CPN1: variants seen among roughly 807,000 people sequenced by gnomAD.
CPN1 encodes the protein carboxypeptidase N subunit 1.
Under a neutral mutation model 46.4 loss-of-function variants are expected in CPN1, and 37 were observed. The ratio of observed to expected loss-of-function variants is 0.80; its 90% CI spans 0.61 to 1.05. The LOEUF (loss-of-function observed/expected upper bound fraction) is 1.05, where lower values mean the gene tolerates loss of function less well. CPN1 is among the 50% of genes least tolerant of loss of function. The pLI, the probability that CPN1 is intolerant of heterozygous loss-of-function variation, is 0.00. For synonymous variants in CPN1, 224 were observed against 235.4 expected, an observed-to-expected ratio of 0.95 and a Z score of 0.44; for missense variants, 563 against 602.6, an observed-to-expected ratio of 0.93 and a Z score of 0.69.
At chr10:100,046,643 C>T (rs1278098831) in intron 8 of CPN1, among the ~76,000 whole-genome samples, 5 of 151,906 alleles carry the variant, frequency 3.3e-5, no homozygotes, top group Non-Finnish European at 5.9e-5. Flanking sequence ...CGTGGTGGCA[C>T]ATGCCTGTAG....
At chr10:100,075,842 C>A in intron 2 of CPN1, 69 bp downstream of exon 2, 1 of 1,470,290 alleles carries the variant, frequency 6.8e-7, no homozygotes, top group Non-Finnish European at 9.5e-7. Flanking sequence ...GAGAGGGAAT[C>A]TTGTCCACTG....
Position 100,054,430 on chromosome 10 carries a change from T to G in CPN1, c.1028A>C (p.Lys343Thr), listed in dbSNP as rs527749314. The G allele has an allele frequency of 9.9e-6, 16 of 1,613,926 alleles. 1 individual carries two copies. The South Asian group carries it at 1.2e-4, about 12-fold the overall frequency. Residue 343 changes from lysine (K) to threonine (T), a missense_variant, in exon 7 of 9, where the codon AAG becomes ACG. Transcript: ENST00000370418. The stretch of plus-strand genomic sequence containing the variant: ...GTAATTCTCATCAAGCACCATTCCC[T>G]TGATGCCCTGGTGAACCTGCAGGAA... Reference protein sequence around the residue: ...QFLEQVHQGIKGMVLDENYNN... With the variant: ...QFLEQVHQGITGMVLDENYNN...
At chr10:100,055,067 G>A (rs1234083605) in intron 6 of CPN1, among the ~76,000 whole-genome samples, 4 of 151,454 alleles carry the variant, frequency 2.6e-5, no homozygotes, top group Admixed American at 2.0e-4. Context: ...GTGAAACCCC[G>A]TCTCTATTAA....
chr10:100,065,082 A>C, intron 4 of CPN1, 106 bp downstream of exon 4: 1 of 1,367,232 alleles, frequency 7.3e-7, no homozygotes, highest in Non-Finnish European at 1.0e-6. Context: ...GGTATTTTCA[A>C]TTATTTTCTG....
intron 1 of CPN1, among the ~76,000 whole-genome samples, chr10:100,081,186 C>G (rs1352700994): frequency 2.0e-5 from 3 of 152,038 alleles, no homozygotes; most frequent in Non-Finnish European, 4.4e-5. Context: ...GCAAACAGAA[C>G]CCAAAAAGGA....
intron 8 of CPN1, among the ~76,000 whole-genome samples, chr10:100,043,056 T>C (rs1410611421): frequency 7.0e-6 from 1 of 142,286 alleles, no homozygotes; most frequent in Non-Finnish European, 1.5e-5. Context: ...ATCTTGCCAC[T>C]GCACTCCAGC....
At position 100,049,147 on chromosome 10, in the gene CPN1, C is replaced by A. The variant is rs180989632; in HGVS notation, c.1112-271G>T. On this transcript the variant is annotated intron_variant, in intron 7 of 8. Coordinates refer to ENST00000370418, the MANE Select transcript of CPN1 (RefSeq NM_001308.3). ...CTAATTTTTGTATTTTTAGTAGAGA[C>A]GGGGTTTCATCATGTTGGCCAGGCT... Among the ~76,000 whole-genome samples, 281 of 151,786 alleles carry A rather than the reference C, an allele frequency of 1.9e-3. 1 individual carries two copies. The highest frequency in any genetic ancestry group is 3.4e-3 in the Middle Eastern group (1 of 292).
In CPN1 at chr10:100,076,847, C is replaced by T. The variant is rs144898164; in HGVS notation, c.224-740G>A. 2.6e-5 allele frequency among the ~76,000 whole-genome samples: 4 copies of T among 152,282 alleles called. 1 individual carries two copies. In the East Asian group the frequency reaches 7.7e-4, roughly 29 times the overall value. ...CTGAAGTACAGGAAAACTAAAATCACTCCTTCAAATCTAAGCAGGCCAAAT... is the reference window on the plus strand; with the variant it reads ...CTGAAGTACAGGAAAACTAAAATCATTCCTTCAAATCTAAGCAGGCCAAAT... On this transcript the variant is annotated intron_variant, in intron 1 of 8. Transcript: ENST00000370418.
chr10:100,048,267 AG>A (rs1026120977), intron 8 of CPN1, among the ~76,000 whole-genome samples: 8 of 152,350 alleles, frequency 5.3e-5, no homozygotes, highest in African/African-American at 1.4e-4. Context: ...TAGACAGAAG[AG>A]GAAAAGCCAA....
intron 1 of CPN1, among the ~76,000 whole-genome samples, chr10:100,079,903 G>A (rs1288924315): frequency 5.3e-5 from 8 of 152,076 alleles, no homozygotes; most frequent in East Asian, 1.9e-4. Flanking sequence ...TGGCCAACAC[G>A]GTGAAACCCC....
intron 8 of CPN1, among the ~76,000 whole-genome samples, chr10:100,047,286 C>A (rs776177269): frequency 1.3e-5 from 2 of 151,776 alleles, no homozygotes; most frequent in Non-Finnish European, 2.9e-5. Context: ...TCTGACCTAT[C>A]TTGTTTGACT....
chr10:100,046,816 G>A (rs1589469466), intron 8 of CPN1, among the ~76,000 whole-genome samples: 1 of 151,808 alleles, frequency 6.6e-6, no homozygotes, highest in South Asian at 2.1e-4. Flanking sequence ...GCTCACGTCT[G>A]TAATCCTAGC....
At chr10:100,079,902 C>T (rs909528424) in intron 1 of CPN1, among the ~76,000 whole-genome samples, 3 of 151,854 alleles carry the variant, frequency 2.0e-5, no homozygotes, top group African/African-American at 4.8e-5. Context: ...CTGGCCAACA[C>T]GGTGAAACCC....
chr10:100,043,044 A>C (rs2041287003), intron 8 of CPN1, among the ~76,000 whole-genome samples: 1 of 149,710 alleles, frequency 6.7e-6, no homozygotes, highest in African/African-American at 2.5e-5. Flanking sequence ...CAGTGAGCTG[A>C]GATCTTGCCA....
chr10:100,062,325 G>T (rs1389563311), intron 5 of CPN1, among the ~76,000 whole-genome samples: 2 of 152,178 alleles, frequency 1.3e-5, no homozygotes, highest in Admixed American at 1.3e-4. Flanking sequence ...TCTTGTGGAG[G>T]TTTCTGCTCT....
intron 8 of CPN1, 144 bp from the exon 9 acceptor site, chr10:100,042,717 G>T: frequency 1.0e-6 from 1 of 978,062 alleles, no homozygotes; most frequent in Non-Finnish European, 1.6e-6. Flanking sequence ...CTTGGCTAAC[G>T]TTCCCCCAAA....
rs1259485102 is a variant in CPN1 at position 100,069,725 on chromosome 10, A to C, written c.565T>G (p.Trp189Gly). 6.2e-7 allele frequency: 1 copy of C among 1,613,800 alleles called. No individual in the cohort carries two copies. The change falls in exon 3 of 9, where the codon TGG becomes GGG. Residue 189 changes from tryptophan to glycine, a missense_variant. Coordinates refer to ENST00000370418, the MANE Select transcript of CPN1 (RefSeq NM_001308.3). ...ATTTCATCTCCTACCTGACTTTTCC[A>C]GTTGTCTGGAAGGGGCAGGTGGTGG... Reference protein sequence around the residue: ...PNHHLPLPDNWKSQVEPETRA... With the variant: ...PNHHLPLPDNGKSQVEPETRA...
chr10:100,062,142 C>T (rs1477928498), intron 5 of CPN1, among the ~76,000 whole-genome samples: 1 of 152,212 alleles, frequency 6.6e-6, no homozygotes, highest in Non-Finnish European at 1.5e-5. Flanking sequence ...TGGGCCATGG[C>T]CAGGTCAGAT....
rs893376063 is a variant in CPN1 at position 100,081,680 on chromosome 10, A to G, written c.-55T>C. On this transcript the variant is annotated 5_prime_UTR_variant, in exon 1 of 9. Transcript: ENST00000370418. ...GAAACGCGCCCCACCTCCTTAAACAACCTAGCCTCTTCACCCGCCAAAATC... is the reference window on the plus strand; with the variant it reads ...GAAACGCGCCCCACCTCCTTAAACAGCCTAGCCTCTTCACCCGCCAAAATC... 1 of 1,473,926 alleles carries G rather than the reference A, an allele frequency of 6.8e-7. No homozygotes were observed. The highest frequency in any genetic ancestry group is 9.4e-7 in the Non-Finnish European group (1 of 1,069,104). The allele number at this position is 1,473,926 out of a possible 1,614,324, so 91.3% of individuals were successfully genotyped here.
Sources: allele counts gnomAD v4.1 joint callset (sites outside exome capture counted in the v4.1 genomes callset), GRCh38; gene constraint gnomAD v4.1.1; transcripts MANE v1.5; gene names NCBI Gene and HGNC (gene_info 2026-07-23, HGNC 2026-07-21).